Variants in AGMO observed in about 807,000 individuals in gnomAD.
AGMO encodes glyceryl-ether monooxygenase.
In AGMO, 75 loss-of-function variants were observed where a neutral mutation model predicts 60.2. That is an observed-to-expected ratio of 1.25 (90% CI 1.03 to 1.51). The LOEUF is 1.51. Ranked by LOEUF, AGMO falls within the 40% of genes most tolerant of loss-of-function variation. The probability of loss-of-function intolerance (pLI) is 0.00; values close to 1 mark genes in which losing one functional copy is unlikely to be tolerated. For synonymous variants in AGMO, 261 were observed against 177.1 expected (o/e 1.47, Z -3.76); for missense variants, 763 against 525.5 (o/e 1.45, Z -4.42).
chr7:15,338,792 A>T lies in AGMO; in HGVS notation c.1263+26722T>A, dbSNP rs1457485601. 3.3e-5 allele frequency among the ~76,000 whole-genome samples: 5 copies of T among 152,220 alleles called. No homozygotes were observed. In the East Asian group the frequency reaches 9.7e-4, roughly 29 times the overall value. On this transcript the variant is annotated intron_variant, in intron 12 of 12. Coordinates refer to ENST00000342526, the MANE Select transcript of AGMO (RefSeq NM_001004320.2). ...TCTTCCTCTGGAAAAGGGTGCTCTA[A>T]TCTTGCAGCATTTCAATGTTACCTT...
intron 3 of AGMO, among the ~76,000 whole-genome samples, chr7:15,539,399 G>A (rs531283466): frequency 2.6e-5 from 4 of 151,996 alleles, no homozygotes; most frequent in Non-Finnish European, 5.9e-5. Context: ...TGTGGTATGT[G>A]GTTTTCTCTT....
At chr7:15,532,137 G>T (rs1055323763) in intron 3 of AGMO, among the ~76,000 whole-genome samples, 2 of 152,142 alleles carry the variant, frequency 1.3e-5, no homozygotes, top group African/African-American at 4.8e-5. Flanking sequence ...GTAGGTTAAT[G>T]CTTCAGTAAA....
At chr7:15,256,375 C>T (rs1174541251) in intron 12 of AGMO, among the ~76,000 whole-genome samples, 1 of 152,136 alleles carries the variant, frequency 6.6e-6, no homozygotes, top group Non-Finnish European at 1.5e-5. Flanking sequence ...CGGAGTCTCG[C>T]TCTGTCGCCC....
intron 3 of AGMO, among the ~76,000 whole-genome samples, chr7:15,439,568 G>A (rs967709415): frequency 2.0e-5 from 3 of 152,132 alleles, no homozygotes; most frequent in East Asian, 1.9e-4. Flanking sequence ...CTTATCAGTA[G>A]TGGCTGCAAG....
intron 3 of AGMO, among the ~76,000 whole-genome samples, chr7:15,524,501 C>T (rs544368336): frequency 6.6e-6 from 1 of 151,934 alleles, no homozygotes; most frequent in African/African-American, 2.4e-5. Context: ...TTTTAATGGC[C>T]CACAGGAAAT....
the AGMO span, among the ~76,000 whole-genome samples, chr7:15,187,024 C>T: frequency 3.3e-5 from 5 of 152,286 alleles, no homozygotes; most frequent in Non-Finnish European, 5.9e-5. Context: ...ATCTTTCCCA[C>T]GCTGCTAGCC....
chr7:15,274,565 A>G (rs1783722359), intron 12 of AGMO, among the ~76,000 whole-genome samples: 1 of 151,750 alleles, frequency 6.6e-6, no homozygotes, highest in Admixed American at 6.6e-5. Context: ...TCTTGATTTG[A>G]GTATCAGGAT....
chr7:15,556,904 G>C (rs904426713), intron 2 of AGMO, among the ~76,000 whole-genome samples: 2 of 152,046 alleles, frequency 1.3e-5, no homozygotes, highest in African/African-American at 4.8e-5. Flanking sequence ...GATTTCAGAA[G>C]AGCAAAACAG....
intron 12 of AGMO, among the ~76,000 whole-genome samples, chr7:15,323,928 A>G (rs1417864382): frequency 6.6e-6 from 1 of 152,228 alleles, no homozygotes; most frequent in African/African-American, 2.4e-5. Context: ...CTACTACCTC[A>G]GAGTAAGCCA....
At chr7:15,156,230 C>T in the AGMO span, among the ~76,000 whole-genome samples, 1 of 152,156 alleles carries the variant, frequency 6.6e-6, no homozygotes, top group Non-Finnish European at 1.5e-5. Flanking sequence ...TGGCAGGGGT[C>T]CATCTGCAAA....
chr7:15,377,242 A>C (rs560388088), intron 10 of AGMO, among the ~76,000 whole-genome samples: 2 of 152,246 alleles, frequency 1.3e-5, no homozygotes, highest in African/African-American at 4.8e-5. Context: ...AAAGAAAAAC[A>C]CATGTGGGAA....
At chr7:15,521,433 A>G (rs968513111) in intron 3 of AGMO, among the ~76,000 whole-genome samples, 3 of 152,208 alleles carry the variant, frequency 2.0e-5, no homozygotes, top group Non-Finnish European at 4.4e-5. Context: ...ATAAACATCA[A>G]TGTGGAAATC....
At chr7:15,547,560 G>A (rs1413185042) in intron 2 of AGMO, among the ~76,000 whole-genome samples, 2 of 152,034 alleles carry the variant, frequency 1.3e-5, no homozygotes, top group African/African-American at 4.8e-5. Context: ...GGTGACAGAC[G>A]CACCTGGAAA....
chr7:15,537,321 A>C (rs1254263642), intron 3 of AGMO, among the ~76,000 whole-genome samples: 3 of 152,146 alleles, frequency 2.0e-5, no homozygotes, highest in Non-Finnish European at 2.9e-5. Flanking sequence ...TGTGGTAAGC[A>C]GTTGCACGGT....
At chr7:15,152,423 T>G in the AGMO span, among the ~76,000 whole-genome samples, 1 of 152,064 alleles carries the variant, frequency 6.6e-6, no homozygotes, top group Admixed American at 6.6e-5. Flanking sequence ...CATGTAAGAT[T>G]TTGGTGCACC....
At chr7:15,127,321 ATTG>A in the AGMO span, among the ~76,000 whole-genome samples, 1 of 152,120 alleles carries the variant, frequency 6.6e-6, no homozygotes, top group Admixed American at 6.6e-5. Context: ...TTTAAGACTC[ATTG>A]TTGCCAAGGT....
intron 12 of AGMO, among the ~76,000 whole-genome samples, chr7:15,342,413 AAG>A (rs1437694560): frequency 6.6e-6 from 1 of 152,000 alleles, no homozygotes; most frequent in Non-Finnish European, 1.5e-5. Context: ...TACCTAAGCA[AAG>A]TATGTTCATC....
chr7:15,266,733 A>G (rs931272641), intron 12 of AGMO, among the ~76,000 whole-genome samples: 1 of 151,932 alleles, frequency 6.6e-6, no homozygotes, highest in Non-Finnish European at 1.5e-5. Context: ...TACAAATAAA[A>G]TTATTTCTAT....
intron 12 of AGMO, among the ~76,000 whole-genome samples, chr7:15,332,327 C>G (rs892032344): frequency 6.6e-6 from 1 of 152,050 alleles, no homozygotes; most frequent in African/African-American, 2.4e-5. Flanking sequence ...AGCATAGACA[C>G]TAAATTGCAA....
Sources: allele counts gnomAD v4.1 joint callset (sites outside exome capture counted in the v4.1 genomes callset), GRCh38; gene constraint gnomAD v4.1.1; transcripts MANE v1.5; gene names NCBI Gene and HGNC (gene_info 2026-07-23, HGNC 2026-07-21).